The following SIX4 variants were observed in gnomAD, a reference collection of about 807,000 sequenced individuals.
SIX4 encodes the protein homeobox protein SIX4.
SIX4 carries 23 observed loss-of-function variants against 51.5 expected under a neutral mutation model. The ratio of observed to expected loss-of-function variants is 0.45; its 90% CI spans 0.32 to 0.63. The LOEUF (loss-of-function observed/expected upper bound fraction) is 0.63. SIX4 is among the 30% of genes least tolerant of loss of function. The pLI, the probability that SIX4 is intolerant of heterozygous loss-of-function variation, is 0.04. For synonymous variants in SIX4, 413 were observed against 417.3 expected, an observed-to-expected ratio of 0.99 and a Z score of 0.13; for missense variants, 867 against 984.0, an observed-to-expected ratio of 0.88 and a Z score of 1.59.
chr14:60,714,244 G>C, intron 2 of SIX4, 41 bp from the exon 3 acceptor site: 1 of 1,498,900 alleles, frequency 6.7e-7, no homozygotes. Flanking sequence ...ATGGAAGTGA[G>C]AGGGAAAGAA....
intron 2 of SIX4, among the ~76,000 whole-genome samples, chr14:60,714,825 C>G (rs2140267149): frequency 6.6e-6 from 1 of 152,000 alleles, no homozygotes; most frequent in South Asian, 2.1e-4. Flanking sequence ...GCCACCACAT[C>G]CAGCTAATTT....
Position 60,714,231 on chromosome 14 carries a change from CTGATGGAAG to C in SIX4, c.1550-37_1550-29del. 2.6e-6 allele frequency: 4 copies of C among 1,526,270 alleles called. No individual in the cohort carries two copies. The South Asian group carries it at 5.2e-5, about 20-fold the overall frequency. The allele number at this position is 1,526,270 out of a possible 1,614,324, so 94.5% of individuals were successfully genotyped here. On this transcript the variant is annotated intron_variant, in intron 2 of 2. Transcript: ENST00000216513. ...AAAAAAAATAAAGTACTGATTATCA[CTGATGGAAG>C]TGAGAGGGAAAGAAAAAAAGTTACA...
At position 60,722,013 on chromosome 14, in the gene SIX4, G is replaced by T. The variant is rs542376807; in HGVS notation, c.863+1199C>A. ...CGGACCCCCACAGGGGCCCAGAAGC[G>T]GCAAGGGCGGGCTGAGACCGGCTCT... On this transcript the variant is annotated intron_variant, in intron 1 of 2. Coordinates refer to ENST00000216513, the MANE Select transcript of SIX4 (RefSeq NM_017420.5). This position sits in a 1 kb window ranked among gnomAD's most constrained non-coding sequence, Gnocchi z 5.9. Among the ~76,000 whole-genome samples, 47 of 152,342 alleles carry T rather than the reference G, an allele frequency of 3.1e-4. No individual in the cohort carries two copies. In the South Asian group the frequency reaches 9.5e-3, roughly 31 times the overall value.
rs1895864761 is a variant in SIX4, at chr14:60,713,705, G to A, written c.2048C>T (p.Ala683Val). ...TGTAGGAACTATTTCCCCAAGGGCA[G>A]CCTGAGTCATAGGGACTGACAATAG... is the stretch of plus-strand genomic sequence containing the variant. ...QDLLSVPMTQ[A>V]ALGEIVPTAE... Residue 683 changes from alanine to valine, a missense_variant, in exon 3 of 3, where the codon GCT becomes GTT. Transcript: ENST00000216513. 2 of 1,614,248 alleles carry A rather than the reference G, an allele frequency of 1.2e-6. No homozygotes were observed. The highest frequency in any genetic ancestry group is 1.1e-5 in the South Asian group (1 of 91,084).
chr14:60,719,713 G>A lies in SIX4; in HGVS notation c.1549+47C>T, dbSNP rs776569993. 9 of 1,566,694 alleles carry A rather than the reference G, an allele frequency of 5.7e-6. No homozygotes were observed. The Admixed American group carries it at 1.4e-4, about 24-fold the overall frequency. On this transcript the variant is annotated intron_variant, in intron 2 of 2. Transcript: ENST00000216513. The surrounding 1 kb of genome is among the most constrained non-coding windows in gnomAD (Gnocchi z 4.9). ...ACCAAATGCGTCACTTACAGCAGCTGATGAACACATTTGCTGGTGCATTAA... is the reference window on the plus strand; with the variant it reads ...ACCAAATGCGTCACTTACAGCAGCTAATGAACACATTTGCTGGTGCATTAA...
At position 60,723,774 on chromosome 14, in the gene SIX4, CGG is replaced by C; in HGVS notation, c.299_300del (p.Ala100GlyfsTer189). 2 of 1,536,504 alleles carry C rather than the reference CGG, an allele frequency of 1.3e-6. No individual in the cohort carries two copies. Among genetic ancestry groups the C allele is most frequent in the Non-Finnish European group, 1.7e-6 (2 of 1,146,612 alleles). ...GAGAAGGCCAGCGGGGTCTGCGCGG[CGG>C]CGGCGGCGGCGTGGTGGTGCCTGCC... ...LLGRHHHAAAAAAQTPLAFSP... is the reference protein window; with the variant it reads ...LLGRHHHAAAXAAQTPLAFSP... On this transcript the variant is annotated frameshift_variant, in exon 1 of 3. Transcript: ENST00000216513. LOFTEE classifies it high-confidence loss of function.
In SIX4 at chr14:60,713,471, G is replaced by A; in HGVS notation, c.2282C>T (p.Thr761Ile). ...MVDTVCEDLE[T>I]DKKELAKLQT... ...GAGCTTGGCAAGCTCTTTTTTGTCT[G>A]TTTCCAGGTCTTCACAGACAGTATC... The change falls in exon 3 of 3, where the codon ACA becomes ATA. Residue 761 changes from threonine (T) to isoleucine (I), a missense_variant. Physicochemically the swap from Thr to Ile is moderately conservative, Grantham distance 89 (BLOSUM62 -1). Transcript: ENST00000216513. 1 of 1,613,974 alleles carries A rather than the reference G, an allele frequency of 6.2e-7. No individual in the cohort carries two copies. Among genetic ancestry groups the A allele is most frequent in the Non-Finnish European group, 8.5e-7 (1 of 1,179,974 alleles).
chr14:60,723,844 G>C lies in SIX4; in HGVS notation c.231C>G (p.Ala77=), dbSNP rs902429413. Residue 77 remains alanine (A), a synonymous_variant, in exon 1 of 3, where the codon GCC becomes GCG. Transcript: ENST00000216513. ...GTTGTACCTGATCCGCCGCCGCTCC[G>C]GCCGCCGCCGCCGCCACTGCCCCTT... The part of the protein sequence containing the change: ...GEEGAVAAAA[A]GAAADQVQLH... 1 of 1,522,490 alleles carries C rather than the reference G, an allele frequency of 6.6e-7. No individual in the cohort carries two copies. The allele number at this position is 1,522,490 out of a possible 1,614,324, so 94.3% of individuals were successfully genotyped here.
intron 2 of SIX4, among the ~76,000 whole-genome samples, chr14:60,715,714 C>A (rs1895910010): frequency 1.3e-5 from 2 of 152,180 alleles, no homozygotes. Flanking sequence ...CCACTACCAT[C>A]AAATAACACT....
chr14:60,710,478 A>G lies in SIX4; in HGVS notation c.*2929T>C, dbSNP rs540962860. 6.5e-6 allele frequency: 1 copy of G among 152,680 alleles called. No homozygotes were observed. Among genetic ancestry groups the G allele is most frequent in the East Asian group, 1.9e-4 (1 of 5,184 alleles). The allele number at this position is 152,680 out of a possible 1,614,324, so 9.5% of individuals were successfully genotyped here. A position where few individuals can be genotyped will look rare whatever the true frequency, so the allele number is the denominator to read the frequency against. ...CTAAATGCCAAATTCTGGCTGATAG[A>G]GTGCATAGATAGGCTTACACCAAAA... On this transcript the variant is annotated 3_prime_UTR_variant, in exon 3 of 3. Transcript: ENST00000216513.
At position 60,719,192 on chromosome 14, in the gene SIX4, T is replaced by G. The variant is rs1895973717; in HGVS notation, c.1549+568A>C. Among the ~76,000 whole-genome samples, 2 of 152,232 alleles carry G rather than the reference T, an allele frequency of 1.3e-5. No homozygotes were observed. The highest frequency in any genetic ancestry group is 6.5e-5 in the Admixed American group (1 of 15,284). On this transcript the variant is annotated intron_variant, in intron 2 of 2. Transcript: ENST00000216513. The surrounding 1 kb of genome is among the most constrained non-coding windows in gnomAD (Gnocchi z 4.9). ...AAATAAACCCACACATTTAGGGGGT[T>G]AGTATATATGCTGAGCGATAGAAAT...
chr14:60,718,336 A>G (rs977313693), intron 2 of SIX4, among the ~76,000 whole-genome samples: 14 of 152,172 alleles, frequency 9.2e-5, no homozygotes, highest in Non-Finnish European at 1.8e-4. Flanking sequence ...TGAAAATGCT[A>G]TTCTTATTCC....
intron 2 of SIX4, among the ~76,000 whole-genome samples, chr14:60,718,674 AG>A (rs1174066782): frequency 6.6e-6 from 1 of 152,250 alleles, no homozygotes. Flanking sequence ...AGTATGCTGC[AG>A]GAATGTCTTG....
At chr14:60,718,328 A>C (rs545733431) in intron 2 of SIX4, among the ~76,000 whole-genome samples, 3 of 152,192 alleles carry the variant, frequency 2.0e-5, no homozygotes, top group Non-Finnish European at 4.4e-5. Flanking sequence ...ATTTTAACTG[A>C]AAATGCTATT....
At position 60,723,863 on chromosome 14, in the gene SIX4, GCC is replaced by G; in HGVS notation, c.210_211del (p.Ala71SerfsTer218). ...CGCTCCGGCCGCCGCCGCCGCCACT[GCC>G]CCTTCCTCTCCGCTCACCCTGGCGG... is the stretch of plus-strand genomic sequence containing the variant. On this transcript the variant is annotated frameshift_variant, in exon 1 of 3. Coordinates refer to ENST00000216513, the MANE Select transcript of SIX4 (RefSeq NM_017420.5). LOFTEE classifies it high-confidence loss of function. 1 of 1,544,214 alleles carries G rather than the reference GCC, an allele frequency of 6.5e-7. No individual in the cohort carries two copies. The highest frequency in any genetic ancestry group is 8.6e-7 in the Non-Finnish European group (1 of 1,158,254).
At chr14:60,716,261 AT>A (rs943111634) in intron 2 of SIX4, among the ~76,000 whole-genome samples, 1 of 147,718 alleles carries the variant, frequency 6.8e-6, no homozygotes, top group African/African-American at 2.5e-5. Context: ...TAAAAAAAAA[AT>A]TTTTTTTTGA....
At position 60,723,319 on chromosome 14, in the gene SIX4, C is replaced by G. The variant is rs780566842; in HGVS notation, c.756G>C (p.Glu252Asp). 1 of 1,613,036 alleles carries G rather than the reference C, an allele frequency of 6.2e-7. No individual in the cohort carries two copies. Among genetic ancestry groups the G allele is most frequent in the East Asian group, 2.2e-5 (1 of 44,756 alleles). The change falls in exon 1 of 3, where the codon GAG becomes GAC. Residue 252 changes from glutamate (E) to aspartate (D), a missense_variant. Glu to Asp is a conservative substitution (Grantham distance 45). Transcript: ENST00000216513. ...YKQNRYPSPAEKRHLAKITGL... is the reference protein window; with the variant it reads ...YKQNRYPSPADKRHLAKITGL... ...CGGTGATCTTGGCCAGGTGCCGCTT[C>G]TCGGCGGGCGAAGGGTAGCGATTCT...
chr14:60,710,541 A>G lies in SIX4; in HGVS notation c.*2866T>C, dbSNP rs1895801926. The G allele has an allele frequency of 6.6e-6, 1 of 152,590 alleles. No individual in the cohort carries two copies. Among genetic ancestry groups the G allele is most frequent in the African/African-American group, 2.4e-5 (1 of 41,452 alleles). 9.5% of individuals were successfully genotyped at this position (152,590 alleles called of 1,614,324 possible). On this transcript the variant is annotated 3_prime_UTR_variant, in exon 3 of 3. Coordinates refer to ENST00000216513, the MANE Select transcript of SIX4 (RefSeq NM_017420.5). ...GCAGCATGGGTTGGGTTTTGCAGGG[A>G]GTCATTTACCCCTGTTTTGATCTTC...
intron 1 of SIX4, among the ~76,000 whole-genome samples, chr14:60,721,896 G>C (rs943382372): frequency 1.3e-5 from 2 of 152,214 alleles, no homozygotes; most frequent in African/African-American, 2.4e-5. Context: ...CGCACATCCC[G>C]GTGCACCTTT....
Sources: allele counts gnomAD v4.1 joint callset (sites outside exome capture counted in the v4.1 genomes callset), GRCh38; gene constraint gnomAD v4.1.1; non-coding constraint Gnocchi (gnomAD v3.1); transcripts MANE v1.5; gene names NCBI Gene and HGNC (gene_info 2026-07-23, HGNC 2026-07-21).